The following CACNA1A variants were observed in gnomAD, a reference collection of about 807,000 sequenced individuals.
CACNA1A encodes voltage-dependent P/Q-type calcium channel subunit alpha-1A.
A neutral mutation model predicts 262.4 loss-of-function variants in CACNA1A; 57 were observed. The ratio of observed to expected loss-of-function variants is 0.22; its 90% CI spans 0.18 to 0.27. CACNA1A has a LOEUF of 0.27. Among genes scored for constraint, CACNA1A ranks in the 10% least tolerant of loss-of-function variants. The pLI, the probability that CACNA1A is intolerant of heterozygous loss-of-function variation, is 1.00. For missense variants in CACNA1A, 2,526 were observed against 3,562.8 expected (o/e 0.71, Z 7.41); for synonymous variants, 1,431 against 1,419.3 (o/e 1.01, Z -0.18).
In CACNA1A at chr19:13,312,666, T is replaced by C. The variant is rs368677227; in HGVS notation, c.1668+3A>G. The C allele has an allele frequency of 3.9e-6, 6 of 1,544,254 alleles. No homozygotes were observed. Among genetic ancestry groups the C allele is most frequent in the South Asian group, 2.4e-5 (2 of 84,884 alleles). ...ATGAACTCTTAGAAACAAGAGCACT[T>C]ACCCCACAGTCAAAGCAGTTGAAGG... On this transcript the variant is annotated splice_donor_region_variant and intron_variant, in intron 12 of 46. Coordinates refer to ENST00000360228, the MANE Select transcript of CACNA1A (RefSeq NM_001127222.2).
At position 13,235,226 on chromosome 19, in the gene CACNA1A, C is replaced by A; in HGVS notation, c.5116G>T (p.Ala1706Ser). ...LLIAMLFFIYAIIGMQVFGNI... is the reference protein window; with the variant it reads ...LLIAMLFFIYSIIGMQVFGNI... ...ACACTCACCTGCATCCCAATGATGG[C>A]ATAGATGAAGAAGAGCATGGCGATC... Residue 1706 changes from alanine (A) to serine (S), a missense_variant, in exon 33 of 47, where the codon GCC becomes TCC. Ala to Ser is a moderately conservative substitution (Grantham distance 99, BLOSUM62 1). Around this residue, in one of 17 missense-constraint regions of CACNA1A, gnomAD observed 66 missense variants for 195.8 expected, o/e 0.34. Transcript: ENST00000360228. 1 of 1,605,342 alleles carries A rather than the reference C, an allele frequency of 6.2e-7. No individual in the cohort carries two copies. The highest frequency in any genetic ancestry group is 1.3e-5 in the African/African-American group (1 of 74,854).
At chr19:13,316,565 A>AG (rs2145047946) in intron 11 of CACNA1A, 1 of 151,884 alleles carries the variant, frequency 6.6e-6, no homozygotes, top group South Asian at 2.1e-4. Context: ...AAAAAAAAAA[A>AG]AAAAAGGCAA....
intron 3 of CACNA1A, among the ~76,000 whole-genome samples, chr19:13,421,386 G>A (rs1246334525): frequency 6.6e-6 from 1 of 152,076 alleles, no homozygotes; most frequent in African/African-American, 2.4e-5. Context: ...TGACTGGATG[G>A]GTAGGGCCCT....
At chr19:13,459,971 G>C (rs567683871) in intron 1 of CACNA1A, among the ~76,000 whole-genome samples, 1 of 152,286 alleles carries the variant, frequency 6.6e-6, no homozygotes, top group South Asian at 2.1e-4. Context: ...CAAAAATAAA[G>C]AGGTTCTACT....
At chr19:13,433,275 A>G (rs892364949) in intron 3 of CACNA1A, among the ~76,000 whole-genome samples, 5 of 145,752 alleles carry the variant, frequency 3.4e-5, no homozygotes, top group Non-Finnish European at 6.0e-5. Flanking sequence ...CCTGGGCTAC[A>G]GTGCGAGACT....
Position 13,207,127 on chromosome 19 carries a change from T to A in CACNA1A, c.*186A>T, listed in dbSNP as rs1259580518. 1.7e-6 allele frequency: 1 copy of A among 583,274 alleles called. No individual in the cohort carries two copies. The highest frequency in any genetic ancestry group is 2.7e-6 in the Non-Finnish European group (1 of 371,314). The allele number at this position is 583,274 out of a possible 1,614,324, so 36.1% of individuals were successfully genotyped here. On this transcript the variant is annotated 3_prime_UTR_variant, in exon 47 of 47. Coordinates refer to ENST00000360228, the MANE Select transcript of CACNA1A (RefSeq NM_001127222.2). The surrounding 1 kb of genome is among the most constrained non-coding windows in gnomAD (Gnocchi z 5.7). ...CGCCGTGGCTGCCCAGGAGGGTCTC[T>A]TTTGGCCGAGGGTCTCTGCGGGACA...
At chr19:13,287,235 T>C (rs1460586891) in intron 19 of CACNA1A, among the ~76,000 whole-genome samples, 2 of 152,024 alleles carry the variant, frequency 1.3e-5, no homozygotes, top group Non-Finnish European at 2.9e-5. Flanking sequence ...CCTGTAGTTC[T>C]AGCTACTTGG....
chr19:13,490,684 GAAAGAAAGGAAAGAAAGAAAGAAA>G (rs1980669269), intron 1 of CACNA1A, among the ~76,000 whole-genome samples: 1 of 95,930 alleles, frequency 1.0e-5, no homozygotes, highest in Admixed American at 1.3e-4. Flanking sequence ...GAGAGAGAGA[GAAAGAAAGGAAAGAAAGAAAGAAA>G]GAAAGAAAGA....
chr19:13,299,442 TC>T, intron 18 of CACNA1A, 89 bp from the exon 19 acceptor site: 1 of 1,056,800 alleles, frequency 9.5e-7, no homozygotes, highest in Non-Finnish European at 1.4e-6. Flanking sequence ...CATCTCAGCC[TC>T]CCACTCCTGC....
At chr19:13,279,212 G>C (rs1467048234) in intron 22 of CACNA1A, among the ~76,000 whole-genome samples, 1 of 152,174 alleles carries the variant, frequency 6.6e-6, no homozygotes, top group Non-Finnish European at 1.5e-5. Context: ...TGTGCAAGAG[G>C]AAATCAAAAG....
chr19:13,501,507 G>T (rs1982375623), intron 1 of CACNA1A, among the ~76,000 whole-genome samples: 1 of 151,996 alleles, frequency 6.6e-6, no homozygotes, highest in South Asian at 2.1e-4. Flanking sequence ...AAAGAAAAAT[G>T]ATAACAAGAT....
intron 5 of CACNA1A, among the ~76,000 whole-genome samples, chr19:13,361,126 G>C (rs1433012349): frequency 1.3e-5 from 2 of 151,988 alleles, no homozygotes; most frequent in African/African-American, 4.8e-5. Flanking sequence ...GGATGTACTG[G>C]GCTCAGGGAG....
At chr19:13,500,831 C>T (rs1381646451) in intron 1 of CACNA1A, among the ~76,000 whole-genome samples, 1 of 152,204 alleles carries the variant, frequency 6.6e-6, no homozygotes, top group Admixed American at 6.5e-5. Flanking sequence ...CTGGTCCATC[C>T]ATATCATGGA....
At chr19:13,266,719 G>A (rs753794759) in intron 24 of CACNA1A, among the ~76,000 whole-genome samples, 1 of 152,146 alleles carries the variant, frequency 6.6e-6, no homozygotes, top group Non-Finnish European at 1.5e-5. Flanking sequence ...GATTACAGGT[G>A]TGCACCACCA....
chr19:13,354,869 CTTT>C (rs56350383), intron 6 of CACNA1A, among the ~76,000 whole-genome samples: 74 of 115,066 alleles, frequency 6.4e-4, no homozygotes, highest in African/African-American at 2.2e-3. Context: ...TTTTCTTTTT[CTTT>C]TTTTTTTTTT....
intron 22 of CACNA1A, among the ~76,000 whole-genome samples, chr19:13,280,865 C>T (rs1252590610): frequency 1.4e-5 from 2 of 144,028 alleles, no homozygotes; most frequent in African/African-American, 2.6e-5. Flanking sequence ...CGCTTAAACC[C>T]GGGAGGCGGA....
chr19:13,327,949 A>G (rs2058393432), intron 10 of CACNA1A, among the ~76,000 whole-genome samples: 1 of 152,200 alleles, frequency 6.6e-6, no homozygotes, highest in African/African-American at 2.4e-5. Flanking sequence ...CCCACGTTGC[A>G]GTGCAGTGGC....
chr19:13,480,679 T>TA (rs898983775), intron 1 of CACNA1A, among the ~76,000 whole-genome samples: 2 of 152,262 alleles, frequency 1.3e-5, no homozygotes, highest in African/African-American at 4.8e-5. Context: ...TTAAAATTTC[T>TA]AAAAAATAGA....
At chr19:13,322,220 A>AAG (rs56231360) in intron 10 of CACNA1A, among the ~76,000 whole-genome samples, 26 of 151,582 alleles carry the variant, frequency 1.7e-4, no homozygotes, top group Middle Eastern at 3.4e-3. Context: ...AAAAAAAAAA[A>AAG]GAAATCGCAT....
Sources: allele counts gnomAD v4.1 joint callset (sites outside exome capture counted in the v4.1 genomes callset), GRCh38; gene constraint gnomAD v4.1.1; regional missense constraint gnomAD v4.1.1; non-coding constraint Gnocchi (gnomAD v3.1); transcripts MANE v1.5; gene names NCBI Gene and HGNC (gene_info 2026-07-23, HGNC 2026-07-21).